Variants in SORBS2 observed in about 807,000 individuals in gnomAD.
The protein encoded by SORBS2 is sorbin and SH3 domain containing 2.
Under a neutral mutation model 97.7 loss-of-function variants are expected in SORBS2, and 46 were observed. That is an observed-to-expected ratio of 0.47 (90% confidence interval 0.37 to 0.60). The LOEUF is 0.60. Ranked by LOEUF, SORBS2 falls within the 20% of genes least tolerant of loss-of-function variation. SORBS2 has a pLI of 0.00. For synonymous variants in SORBS2, 476 were observed against 473.4 expected (o/e 1.01, Z -0.07); for missense variants, 1,316 against 1,282.3 (o/e 1.03, Z -0.40).
At chr4:185,948,019 G>A (rs750260090) in intron 1 of SORBS2, among the ~76,000 whole-genome samples, 3 of 152,198 alleles carry the variant, frequency 2.0e-5, no homozygotes, top group Admixed American at 6.5e-5. Context: ...AATTCTTAAA[G>A]AGGCCGGTTC....
intron 1 of SORBS2, among the ~76,000 whole-genome samples, chr4:185,898,393 G>A (rs2099246032): frequency 6.6e-6 from 1 of 152,158 alleles, no homozygotes; most frequent in African/African-American, 2.4e-5. Flanking sequence ...GCTCAAACTA[G>A]CACCATGTCT....
At position 185,623,509 on chromosome 4, in the gene SORBS2, G is replaced by A. The variant is rs754266127; in HGVS notation, c.1620C>T (p.Tyr540=). 8.1e-6 allele frequency: 13 copies of A among 1,613,762 alleles called. No individual in the cohort carries two copies. Among genetic ancestry groups the A allele is most frequent in the South Asian group, 3.3e-5 (3 of 91,054 alleles). Residue 540 remains tyrosine (Y), a synonymous_variant, in exon 7 of 15, where the codon TAC becomes TAT. Coordinates refer to ENST00000418609, the Ensembl canonical transcript of SORBS2. This position sits in a 1 kb window ranked among gnomAD's most constrained non-coding sequence, Gnocchi z 6.4. ...GATGGTGGTGGTGGTGGCTGGATCC[G>A]TAAAAGCTTTCGGAGGATGTGAAGG...
chr4:185,921,173 C>T (rs2099260750), intron 1 of SORBS2, among the ~76,000 whole-genome samples: 1 of 152,330 alleles, frequency 6.6e-6, no homozygotes, highest in East Asian at 1.9e-4. Context: ...TTCCATGGTT[C>T]CCATTCTCGT....
chr4:185,600,808 T>G (rs1401128332), intron 12 of SORBS2, among the ~76,000 whole-genome samples: 1 of 148,816 alleles, frequency 6.7e-6, no homozygotes, highest in Non-Finnish European at 1.5e-5. Flanking sequence ...GAGGCAAAAT[T>G]TTCTAACACA....
intron 1 of SORBS2, among the ~76,000 whole-genome samples, chr4:185,788,165 C>T (rs1461423061): frequency 1.3e-5 from 2 of 152,200 alleles, no homozygotes; most frequent in African/African-American, 4.8e-5. Context: ...GCTACTCAAA[C>T]CCCTCATGAA....
rs756630384 is a variant in SORBS2 at position 185,630,641 on chromosome 4, G to A, written c.397-43C>T. The A allele has an allele frequency of 2.1e-5, 26 of 1,242,678 alleles. No individual in the cohort carries two copies. The East Asian group carries it at 5.9e-4, about 28-fold the overall frequency. 77.0% of individuals were successfully genotyped at this position (1,242,678 alleles called of 1,614,324 possible). A position where few individuals can be genotyped will look rare whatever the true frequency, so the allele number is the denominator to read the frequency against. ...TAGTACCATGAAAAATTTTACCGTG[G>A]CAAAATTTTGTTCACTTGTCAACAT... is the stretch of plus-strand genomic sequence containing the variant. On this transcript the variant is annotated intron_variant, in intron 4 of 14. Coordinates refer to ENST00000418609, the Ensembl canonical transcript of SORBS2.
chr4:185,749,744 G>T (rs1283351176), intron 2 of SORBS2, among the ~76,000 whole-genome samples: 1 of 152,232 alleles, frequency 6.6e-6, no homozygotes, highest in African/African-American at 2.4e-5. Flanking sequence ...TGGATCTAAT[G>T]AAATAGTTTC....
rs545073475 is a variant in SORBS2 at position 185,852,037 on chromosome 4, A to C, written c.-337-76671T>G. Among the ~76,000 whole-genome samples the C allele has an allele frequency of 6.6e-4, 101 of 152,344 alleles. 1 individual carries two copies. The highest frequency in any genetic ancestry group is 3.4e-3 in the Middle Eastern group (1 of 294). On this transcript the variant is annotated intron_variant, in intron 1 of 20. Coordinates refer to the SORBS2 transcript ENST00000284776. Reference sequence around the variant, plus strand: ...CCTTGCATAACATAGAGCTTAGCTTATACCAGAAGATAATTGTTTGATGAA... The same window carrying C: ...CCTTGCATAACATAGAGCTTAGCTTCTACCAGAAGATAATTGTTTGATGAA...
At chr4:185,932,819 A>T (rs994723264) in intron 1 of SORBS2, 1 of 152,236 alleles carries the variant, frequency 6.6e-6, no homozygotes, top group South Asian at 2.1e-4. Context: ...TAGCAGCTAA[A>T]AAACAGTTTC....
intron 1 of SORBS2, among the ~76,000 whole-genome samples, chr4:185,896,913 A>T (rs927607592): frequency 2.7e-5 from 4 of 150,760 alleles, no homozygotes; most frequent in African/African-American, 9.7e-5. Flanking sequence ...AAAAAAGCAC[A>T]TGTCAGTGAT....
At chr4:185,674,727 T>C (rs374211321) in intron 4 of SORBS2, among the ~76,000 whole-genome samples, 14 of 152,164 alleles carry the variant, frequency 9.2e-5, no homozygotes, top group African/African-American at 3.1e-4. Context: ...TTCCTTCTGG[T>C]CCTCCCACAG....
chr4:185,799,035 A>T (rs2099118559), intron 1 of SORBS2, among the ~76,000 whole-genome samples: 1 of 152,202 alleles, frequency 6.6e-6, no homozygotes, highest in South Asian at 2.1e-4. Context: ...AGTAACATAA[A>T]TGTACTGACA....
chr4:185,908,810 G>A (rs931781484), intron 1 of SORBS2, among the ~76,000 whole-genome samples: 7 of 151,946 alleles, frequency 4.6e-5, no homozygotes, highest in African/African-American at 1.5e-4. Flanking sequence ...GATAGGTTGA[G>A]CCATAAAACA....
At chr4:185,599,930 G>A (rs998319453) in intron 12 of SORBS2, among the ~76,000 whole-genome samples, 1 of 152,176 alleles carries the variant, frequency 6.6e-6, no homozygotes, top group African/African-American at 2.4e-5. Context: ...CCACAAAGTG[G>A]GGGCATGCTG....
exon 4 of SORBS2, chr4:185,678,469 A>G: frequency 6.4e-7 from 1 of 1,551,112 alleles, no homozygotes; most frequent in Non-Finnish European, 8.7e-7. Context: ...AACGCTTCTA[A>G]AACCTTTTGC....
chr4:185,730,651 A>C (rs768801390), intron 2 of SORBS2, among the ~76,000 whole-genome samples: 28 of 152,252 alleles, frequency 1.8e-4, no homozygotes, highest in Non-Finnish European at 3.5e-4. Context: ...GAACAGCTGC[A>C]GGCCATGGAG....
At chr4:185,641,465 G>T (rs1390792377) in intron 4 of SORBS2, among the ~76,000 whole-genome samples, 3 of 152,046 alleles carry the variant, frequency 2.0e-5, no homozygotes, top group African/African-American at 7.2e-5. Context: ...ATGTCCTATG[G>T]TGACCTGGAG....
chr4:185,765,906 A>C lies in SORBS2; in HGVS notation c.-198+9321T>G, dbSNP rs577003193. ...CTATTATATCAATACAAACTTTATAAACTTGTTTACACTTAATTTTTGTCT... is the reference window on the plus strand; with the variant it reads ...CTATTATATCAATACAAACTTTATACACTTGTTTACACTTAATTTTTGTCT... On this transcript the variant is annotated intron_variant, in intron 2 of 20. Transcript: ENST00000284776. Among the ~76,000 whole-genome samples the C allele has an allele frequency of 3.9e-5, 6 of 152,304 alleles. No homozygotes were observed. In the South Asian group the frequency reaches 1.2e-3, roughly 32 times the overall value.
At position 185,684,846 on chromosome 4, in the gene SORBS2, TCTGGAAGCAA is replaced by T; in HGVS notation, c.-197-6034_-197-6025del. 1 of 1,551,606 alleles carries T rather than the reference TCTGGAAGCAA, an allele frequency of 6.4e-7. No individual in the cohort carries two copies. The highest frequency in any genetic ancestry group is 8.7e-7 in the Non-Finnish European group (1 of 1,146,868). On this transcript the variant is annotated intron_variant, in intron 2 of 20. Transcript: ENST00000284776. The surrounding 1 kb of genome is among the most constrained non-coding windows in gnomAD (Gnocchi z 4.2). ...ACGTTTGCGAGCACACCCACCGCTA[TCTGGAAGCAA>T]AAAAATGATATAGCAGAGGCCAAGG... is the stretch of plus-strand genomic sequence containing the variant.
Sources: allele counts gnomAD v4.1 joint callset (sites outside exome capture counted in the v4.1 genomes callset), GRCh38; gene constraint gnomAD v4.1.1; non-coding constraint Gnocchi (gnomAD v3.1); transcripts MANE v1.5; gene names NCBI Gene and HGNC (gene_info 2026-07-23, HGNC 2026-07-21).